The following ADAMTS19 variants were observed in gnomAD, a reference collection of about 807,000 sequenced individuals.
The protein encoded by ADAMTS19 is A disintegrin and metalloproteinase with thrombospondin motifs 19.
A neutral mutation model predicts 153.3 loss-of-function variants in ADAMTS19; 93 were observed. The ratio of observed to expected loss-of-function variants is 0.61; its 90% confidence interval spans 0.51 to 0.72. The LOEUF is 0.72. ADAMTS19 is among the 30% of genes least tolerant of loss of function. ADAMTS19 has a pLI of 0.00. For synonymous variants in ADAMTS19, 600 were observed against 556.6 expected, an observed-to-expected ratio of 1.08 and a Z score of -1.10; for missense variants, 1,482 against 1,552.1, an observed-to-expected ratio of 0.95 and a Z score of 0.76.
rs1751801446 is a variant in ADAMTS19, at chr5:129,622,087, G to C, written c.1620-111G>C. On this transcript the variant is annotated intron_variant, in intron 9 of 22. Transcript: ENST00000274487. ...ATTTCTATGAGTATTCAATGGAAGA[G>C]CTTAGAGATATATTTTTGATATTAT... 10 of 1,026,402 alleles carry C rather than the reference G, an allele frequency of 9.7e-6. No homozygotes were observed. The South Asian group carries it at 1.3e-4, about 13-fold the overall frequency. The allele number at this position is 1,026,402 out of a possible 1,614,324, so 63.6% of individuals were successfully genotyped here.
chr5:129,687,385 C>T (rs775058293), intron 18 of ADAMTS19, among the ~76,000 whole-genome samples: 3 of 152,112 alleles, frequency 2.0e-5, no homozygotes, highest in Non-Finnish European at 4.4e-5. Context: ...CTCCTTCTGC[C>T]ATTTTTATCT....
At chr5:129,691,734 A>G (rs769359628) in intron 18 of ADAMTS19, among the ~76,000 whole-genome samples, 3 of 152,196 alleles carry the variant, frequency 2.0e-5, no homozygotes, top group Non-Finnish European at 4.4e-5. Context: ...GTCTCAATTC[A>G]TACTCATGCA....
intron 18 of ADAMTS19, among the ~76,000 whole-genome samples, chr5:129,689,236 C>T (rs1755225544): frequency 6.6e-6 from 1 of 152,258 alleles, no homozygotes; most frequent in Non-Finnish European, 1.5e-5. Context: ...GTCTGTCTAG[C>T]TTATGACTGT....
intron 21 of ADAMTS19, among the ~76,000 whole-genome samples, chr5:129,722,923 T>C (rs937001814): frequency 6.6e-6 from 1 of 152,218 alleles, no homozygotes; most frequent in Non-Finnish European, 1.5e-5. Flanking sequence ...TTTCATCCCT[T>C]TGTTTCTACA....
chr5:129,621,556 A>C (rs1376053937), intron 9 of ADAMTS19, among the ~76,000 whole-genome samples: 4 of 152,180 alleles, frequency 2.6e-5, no homozygotes, highest in Non-Finnish European at 5.9e-5. Flanking sequence ...GTTTGTCATA[A>C]CAGTCTAGAG....
intron 6 of ADAMTS19, among the ~76,000 whole-genome samples, chr5:129,531,023 G>GA (rs1055817247): frequency 6.6e-6 from 1 of 151,888 alleles, no homozygotes; most frequent in African/African-American, 2.4e-5. Context: ...TGAACAATTG[G>GA]AAAAAAACTT....
chr5:129,499,197 G>T (rs1751022562), intron 2 of ADAMTS19, among the ~76,000 whole-genome samples: 1 of 151,978 alleles, frequency 6.6e-6, no homozygotes, highest in South Asian at 2.1e-4. Context: ...ATTATTACAT[G>T]TAACAAGATT....
At chr5:129,509,722 T>A (rs535467889) in intron 3 of ADAMTS19, among the ~76,000 whole-genome samples, 7 of 152,028 alleles carry the variant, frequency 4.6e-5, no homozygotes, top group Admixed American at 2.6e-4. Context: ...GGAAGAAGAG[T>A]AAAGATTTAT....
chr5:129,729,540 A>G (rs944862493), intron 21 of ADAMTS19, among the ~76,000 whole-genome samples: 4 of 151,954 alleles, frequency 2.6e-5, no homozygotes, highest in Non-Finnish European at 5.9e-5. Context: ...AAGCAAATCT[A>G]TTAGTTATTA....
chr5:129,501,201 G>T (rs916990644), intron 2 of ADAMTS19, among the ~76,000 whole-genome samples: 1 of 151,990 alleles, frequency 6.6e-6, no homozygotes, highest in Non-Finnish European at 1.5e-5. Context: ...ATAGAAAAGA[G>T]AATTAAAAGA....
intron 3 of ADAMTS19, among the ~76,000 whole-genome samples, chr5:129,521,598 C>T (rs970739603): frequency 6.6e-6 from 1 of 152,098 alleles, no homozygotes; most frequent in Non-Finnish European, 1.5e-5. Context: ...TTAACATCCC[C>T]CAGAAATGTT....
At chr5:129,545,539 G>C (rs1401892432) in intron 6 of ADAMTS19, among the ~76,000 whole-genome samples, 16 of 152,122 alleles carry the variant, frequency 1.1e-4, no homozygotes, top group Non-Finnish European at 2.1e-4. Context: ...GGATCTTTAA[G>C]TTGAAAATAT....
chr5:129,505,871 G>A (rs1283911141), intron 2 of ADAMTS19, among the ~76,000 whole-genome samples: 1 of 151,988 alleles, frequency 6.6e-6, no homozygotes, highest in Non-Finnish European at 1.5e-5. Context: ...AAATTATTTT[G>A]AAAAATTTAA....
chr5:129,609,179 G>C (rs1159632670), intron 8 of ADAMTS19, among the ~76,000 whole-genome samples: 1 of 152,176 alleles, frequency 6.6e-6, no homozygotes, highest in Middle Eastern at 3.2e-3. Flanking sequence ...TACCTATGTG[G>C]ATAGTTGAGA....
At chr5:129,561,207 T>C (rs150790386) in intron 7 of ADAMTS19, among the ~76,000 whole-genome samples, 118 of 152,248 alleles carry the variant, frequency 7.8e-4, no homozygotes, top group African/African-American at 2.8e-3. Context: ...TTTGTTTGGG[T>C]TCTAGAAGAC....
intron 14 of ADAMTS19, among the ~76,000 whole-genome samples, chr5:129,658,307 GAAAAAGAAAGAAAGAAAGAA>G (rs1753638630): frequency 1.2e-5 from 1 of 82,222 alleles, no homozygotes; most frequent in Non-Finnish European, 2.3e-5. Context: ...AAGAAAGAAA[GAAAAAGAAAGAAAGAAAGAA>G]AGAAAGAAAG....
intron 6 of ADAMTS19, among the ~76,000 whole-genome samples, chr5:129,544,514 G>A (rs971484037): frequency 1.3e-5 from 2 of 152,050 alleles, no homozygotes; most frequent in African/African-American, 4.8e-5. Context: ...TGAGAATCTG[G>A]CTGTCTAGAT....
intron 10 of ADAMTS19, among the ~76,000 whole-genome samples, chr5:129,625,933 A>G (rs900252883): frequency 9.9e-5 from 15 of 152,248 alleles, no homozygotes; most frequent in African/African-American, 3.6e-4. Flanking sequence ...CTATGTCCTG[A>G]ATGGTATTAC....
chr5:129,654,464 T>G, intron 14 of ADAMTS19, 31 bp downstream of exon 14: 1 of 1,593,278 alleles, frequency 6.3e-7, no homozygotes, highest in Non-Finnish European at 8.5e-7. Flanking sequence ...AAAGAATTTA[T>G]ATGTTGAAGG....
Sources: allele counts gnomAD v4.1 joint callset (sites outside exome capture counted in the v4.1 genomes callset), GRCh38; gene constraint gnomAD v4.1.1; transcripts MANE v1.5; gene names NCBI Gene and HGNC (gene_info 2026-07-23, HGNC 2026-07-21).